The following STIM1 variants were observed in gnomAD, a reference collection of about 807,000 sequenced individuals.
The protein encoded by STIM1 is stromal interaction molecule 1.
A neutral mutation model predicts 74.7 loss-of-function variants in STIM1; 25 were observed. The ratio of observed to expected loss-of-function variants is 0.33; its 90% CI spans 0.24 to 0.47. The LOEUF is 0.47. Among genes scored for constraint, STIM1 ranks in the 20% least tolerant of loss-of-function variants. The pLI is 1.00. For synonymous variants in STIM1, 328 were observed against 348.8 expected, an observed-to-expected ratio of 0.94 and a Z score of 0.66; for missense variants, 728 against 920.8, an observed-to-expected ratio of 0.79 and a Z score of 2.71.
chr11:3,902,184 A>G (rs1453404222), intron 1 of STIM1, among the ~76,000 whole-genome samples: 2 of 152,252 alleles, frequency 1.3e-5, no homozygotes, highest in African/African-American at 2.4e-5. Flanking sequence ...GTGTGGAAGT[A>G]TAAGTTACAC....
In STIM1 at chr11:3,951,132, G is replaced by A. The variant is rs193262369; in HGVS notation, c.140-16420G>A. Among the ~76,000 whole-genome samples the A allele has an allele frequency of 2.3e-3, 356 of 152,306 alleles. 2 individuals carry two copies. Among genetic ancestry groups the A allele is most frequent in the African/African-American group, 8.4e-3 (349 of 41,554 alleles). Reference sequence around the variant, plus strand: ...AGGAGGGAGCAGGGCTATGGAGCCTGGGCTGCCAGGAGGCTCAGGTAGACT... The same window carrying A: ...AGGAGGGAGCAGGGCTATGGAGCCTAGGCTGCCAGGAGGCTCAGGTAGACT... On this transcript the variant is annotated intron_variant, in intron 1 of 12. Transcript: ENST00000526596.
chr11:3,870,806 G>T (rs979042261), intron 1 of STIM1, among the ~76,000 whole-genome samples: 28 of 150,330 alleles, frequency 1.9e-4, no homozygotes, highest in African/African-American at 6.9e-4. Context: ...CTACATCTCC[G>T]ATTTTCTAGT....
chr11:4,082,113 T>A, intron 7 of STIM1, 71 bp from the exon 8 acceptor site: 1 of 1,499,088 alleles, frequency 6.7e-7, no homozygotes, highest in South Asian at 1.1e-5. Context: ...GTCTGAGTTC[T>A]GAAGCATCAT....
At chr11:3,865,358 T>C (rs2090813469) in intron 1 of STIM1, among the ~76,000 whole-genome samples, 1 of 152,196 alleles carries the variant, frequency 6.6e-6, no homozygotes, top group Non-Finnish European at 1.5e-5. Flanking sequence ...TTGTGGAGCC[T>C]GTCTACCCTA....
chr11:4,088,436 C>T, intron 12 of STIM1: 1 of 408,040 alleles, frequency 2.5e-6, no homozygotes, highest in Non-Finnish European at 4.7e-6. Flanking sequence ...CTTTCTCTTG[C>T]ACAAAGGGAT....
At chr11:4,001,588 A>G (rs1339257907) in intron 2 of STIM1, among the ~76,000 whole-genome samples, 1 of 152,194 alleles carries the variant, frequency 6.6e-6, no homozygotes, top group Non-Finnish European at 1.5e-5. Context: ...TGAAGGAAGC[A>G]CTAAACATGG....
intron 2 of STIM1, among the ~76,000 whole-genome samples, chr11:4,005,579 TG>T (rs2093770373): frequency 2.3e-5 from 1 of 43,070 alleles, no homozygotes; most frequent in East Asian, 8.3e-4. Flanking sequence ...GGGACTGTTG[TG>T]GGGTGGGGGG....
chr11:3,925,518 G>T (rs1193413910), intron 1 of STIM1, among the ~76,000 whole-genome samples: 1 of 152,160 alleles, frequency 6.6e-6, no homozygotes, highest in African/African-American at 2.4e-5. Flanking sequence ...TCATTATTAA[G>T]CAGGACATGT....
At chr11:3,913,434 C>T (rs2092596450) in intron 1 of STIM1, among the ~76,000 whole-genome samples, 1 of 152,096 alleles carries the variant, frequency 6.6e-6, no homozygotes, top group African/African-American at 2.4e-5. Flanking sequence ...GTGATCCTCC[C>T]GCTTCAGCCT....
At chr11:3,868,512 G>C (rs930647306) in intron 1 of STIM1, among the ~76,000 whole-genome samples, 2 of 152,180 alleles carry the variant, frequency 1.3e-5, no homozygotes, top group Non-Finnish European at 2.9e-5. Context: ...TGGGGTGGCG[G>C]GGAAGAAACA....
chr11:3,891,675 A>T (rs2091900709), intron 1 of STIM1, among the ~76,000 whole-genome samples: 1 of 152,258 alleles, frequency 6.6e-6, no homozygotes, highest in South Asian at 2.1e-4. Context: ...TTTCATTAAA[A>T]AAAGAAGTAT....
intron 3 of STIM1, among the ~76,000 whole-genome samples, chr11:4,047,008 G>A (rs1405585711): frequency 6.6e-6 from 1 of 152,122 alleles, no homozygotes; most frequent in Admixed American, 6.5e-5. Context: ...TGAGCTGTAT[G>A]TTTTTCTAAG....
intron 2 of STIM1, among the ~76,000 whole-genome samples, chr11:4,020,461 G>C (rs1312203898): frequency 2.6e-5 from 4 of 152,082 alleles, no homozygotes; most frequent in Admixed American, 2.0e-4. Flanking sequence ...GGCAGCATTT[G>C]TTATTTGTTA....
At chr11:4,002,738 A>G (rs919090289) in intron 2 of STIM1, among the ~76,000 whole-genome samples, 26 of 150,088 alleles carry the variant, frequency 1.7e-4, no homozygotes, top group Non-Finnish European at 3.0e-4. Flanking sequence ...AACTAAAATC[A>G]GAGCAGAACT....
intron 3 of STIM1, among the ~76,000 whole-genome samples, chr11:4,033,604 T>C (rs1322151250): frequency 6.6e-6 from 1 of 151,776 alleles, no homozygotes; most frequent in East Asian, 1.9e-4. Flanking sequence ...TCTAATCTTT[T>C]TTTTTTTTTG....
chr11:4,033,758 G>C (rs777139215), intron 3 of STIM1, among the ~76,000 whole-genome samples: 3 of 151,722 alleles, frequency 2.0e-5, no homozygotes, highest in Non-Finnish European at 4.4e-5. Context: ...ACTGCACCCA[G>C]CTAATTTTTT....
chr11:4,024,427 T>C (rs2093982577), intron 3 of STIM1, among the ~76,000 whole-genome samples: 1 of 152,186 alleles, frequency 6.6e-6, no homozygotes, highest in Admixed American at 6.5e-5. Flanking sequence ...TTCTATACCA[T>C]CTTGATTGAA....
intron 1 of STIM1, among the ~76,000 whole-genome samples, chr11:3,925,353 C>T (rs1206343102): frequency 6.6e-6 from 1 of 152,204 alleles, no homozygotes; most frequent in Non-Finnish European, 1.5e-5. Context: ...CAAGATTGTG[C>T]CACTGCACTC....
chr11:3,897,989 CTT>C (rs1356497854), intron 1 of STIM1, among the ~76,000 whole-genome samples: 2 of 152,160 alleles, frequency 1.3e-5, no homozygotes, highest in Admixed American at 6.5e-5. Context: ...GTGCATGTGT[CTT>C]TATAGCAGCA....
Sources: gnomAD v4.1 joint callset for allele counts (sites outside exome capture counted in the v4.1 genomes callset) on GRCh38, gnomAD v4.1.1 for gene constraint, MANE v1.5 for transcripts, NCBI Gene and HGNC (gene_info 2026-07-23, HGNC 2026-07-21) for gene names.